The following NUP58 variants were observed in gnomAD, a reference collection of about 807,000 sequenced individuals.
The protein encoded by NUP58 is nucleoporin 58.
NUP58 carries 17 observed loss-of-function variants against 70.1 expected under a neutral mutation model. That is an observed-to-expected ratio of 0.24 (90% CI 0.17 to 0.36). The LOEUF is 0.36. NUP58 is among the 10% of genes least tolerant of loss of function. The pLI is 1.00. For missense variants in NUP58, 644 were observed against 701.5 expected (o/e 0.92, Z 0.93); for synonymous variants, 275 against 257.6 (o/e 1.07, Z -0.65).
intron 13 of NUP58, chr13:25,335,297 C>A (rs2031741723): frequency 2.0e-6 from 2 of 985,174 alleles, no homozygotes; most frequent in Admixed American, 6.2e-5. Flanking sequence ...CAGACCCACA[C>A]ACAACAAAAA....
rs1003190799 is a variant in NUP58, at chr13:25,301,968, C to A, written c.107+88C>A. On this transcript the variant is annotated intron_variant, in intron 1 of 15. Transcript: ENST00000381736. ...CCTTGGTGTCCCCATCCTGTCTCTT[C>A]CCTCTGGCTTCCTTCCCAGTGGGGC... 4.8e-6 allele frequency: 4 copies of A among 838,802 alleles called. No homozygotes were observed. The East Asian group carries it at 8.6e-5, about 18-fold the overall frequency. The allele number at this position is 838,802 out of a possible 1,614,324, so 52.0% of individuals were successfully genotyped here.
At chr13:25,345,891 T>C (rs2032043698), downstream of NUP58, among the ~76,000 whole-genome samples, 1 of 152,216 alleles carries the variant, frequency 6.6e-6, no homozygotes, top group African/African-American at 2.4e-5. Flanking sequence ...CTTTTTCCCA[T>C]TCATTCAGTA....
chr13:25,347,588 T>C (rs529322549), intron 3 of NUP58, among the ~76,000 whole-genome samples: 15 of 152,350 alleles, frequency 9.8e-5, no homozygotes, highest in Admixed American at 9.1e-4. Context: ...TCATTTTTGG[T>C]TTCCAAGGAT....
At chr13:25,333,197 A>G in intron 13 of NUP58, 1 of 985,382 alleles carries the variant, frequency 1.0e-6, no homozygotes, top group Non-Finnish European at 1.2e-6. Flanking sequence ...TTTCACTTAT[A>G]CATTTTGAGC....
intron 10 of NUP58, 78 bp downstream of exon 10, chr13:25,325,146 T>C (rs2031346213): frequency 1.0e-6 from 1 of 980,640 alleles, no homozygotes; most frequent in Non-Finnish European, 1.6e-6. Flanking sequence ...ACAAACTAAA[T>C]ATTTTTAGTA....
At chr13:25,339,929 A>G (rs554899399) in intron 15 of NUP58, 36 bp from the exon 16 acceptor site, 26 of 1,513,900 alleles carry the variant, frequency 1.7e-5, no homozygotes, top group East Asian at 4.9e-5. Context: ...TTGGAATTCA[A>G]CTTCTGATAT....
chr13:25,349,726 A>G (rs1238554433), exon 4 of NUP58: 1 of 152,508 alleles, frequency 6.6e-6, no homozygotes, highest in African/African-American at 2.4e-5. Context: ...AGAAAAGCAC[A>G]TTAAGCTTAG....
At chr13:25,335,304 A>T (rs2031742154) in intron 13 of NUP58, 1 of 985,360 alleles carries the variant, frequency 1.0e-6, no homozygotes, top group East Asian at 1.1e-4. Context: ...ACACACAACA[A>T]AAAGCATGCT....
intron 9 of NUP58, 115 bp downstream of exon 9, chr13:25,321,208 C>G: frequency 1.2e-6 from 1 of 848,058 alleles, no homozygotes; most frequent in Admixed American, 3.1e-5. Context: ...TACATGCATA[C>G]CGGTAGAAAA....
intron 9 of NUP58, among the ~76,000 whole-genome samples, chr13:25,323,513 A>G (rs564670912): frequency 5.9e-4 from 90 of 152,302 alleles, no homozygotes; most frequent in African/African-American, 2.1e-3. Context: ...CTAATACTCT[A>G]CTAAGAGTCT....
At chr13:25,316,082 CT>C (rs1245661772) in intron 6 of NUP58, among the ~76,000 whole-genome samples, 1 of 152,024 alleles carries the variant, frequency 6.6e-6, no homozygotes, top group African/African-American at 2.4e-5. Flanking sequence ...GGGAAAATAC[CT>C]GGAAATTGGA....
In NUP58 at chr13:25,338,565, T is replaced by C. The variant is rs1340522301; in HGVS notation, c.1535-71T>C. The C allele has an allele frequency of 4.5e-6, 5 of 1,114,218 alleles. No homozygotes were observed. The East Asian group carries it at 7.1e-5, about 16-fold the overall frequency. The allele number at this position is 1,114,218 out of a possible 1,614,324, so 69.0% of individuals were successfully genotyped here. A position where few individuals can be genotyped will look rare whatever the true frequency, so the allele number is the denominator to read the frequency against. ...CTGTTAGACCTCTGATGATTTTCGG[T>C]TGTACTTGTCCATATCCTTTAACCT... On this transcript the variant is annotated intron_variant, in intron 14 of 15. Transcript: ENST00000381736.
At chr13:25,320,890 T>G in intron 8 of NUP58, 29 bp from the exon 9 acceptor site, 1 of 1,410,224 alleles carries the variant, frequency 7.1e-7, no homozygotes. Context: ...ATACATTTTT[T>G]AAAACTCAGT....
At chr13:25,320,281 GTTT>G in intron 7 of NUP58, 1 of 335,116 alleles carries the variant, frequency 3.0e-6, no homozygotes, top group Admixed American at 5.0e-5. Context: ...TTTTAAGTAT[GTTT>G]TTAATAGATG....
At chr13:25,335,658 C>T (rs966703454) in intron 13 of NUP58, 10 of 985,024 alleles carry the variant, frequency 1.0e-5, no homozygotes, top group Admixed American at 6.2e-5. Context: ...AGAAGCTATT[C>T]GAAAAGTCCA....
chr13:25,340,603 TAC>T lies in NUP58; in HGVS notation c.*475_*476del, dbSNP rs920114027. On this transcript the variant is annotated 3_prime_UTR_variant, in exon 16 of 16. Transcript: ENST00000381736. ...ATGTATGTAAATATATACAGAATAA[TAC>T]ACACAGTTGTGTGTGCATATAAAAT... is the stretch of plus-strand genomic sequence containing the variant. 1.3e-5 allele frequency: 2 copies of T among 152,394 alleles called. 1 individual carries two copies. 9.4% of individuals were successfully genotyped at this position (152,394 alleles called of 1,614,324 possible).
At chr13:25,349,530 A>T (rs1252431175) in intron 3 of NUP58, 3 of 152,686 alleles carry the variant, frequency 2.0e-5, no homozygotes, top group African/African-American at 4.8e-5. Flanking sequence ...AACTATTGTC[A>T]TAATACAGTC....
At chr13:25,349,635 A>G (rs2032084376) in exon 4 of NUP58, 1 of 152,668 alleles carries the variant, frequency 6.6e-6, no homozygotes. Flanking sequence ...GAAGAAAAAT[A>G]CAGTTCTGAG....
chr13:25,336,562 A>G (rs2031792184), intron 13 of NUP58, among the ~76,000 whole-genome samples: 1 of 152,168 alleles, frequency 6.6e-6, no homozygotes, highest in Non-Finnish European at 1.5e-5. Flanking sequence ...TAGTTTTATC[A>G]GAAAACAAGT....
Sources: gnomAD v4.1 joint callset for allele counts (sites outside exome capture counted in the v4.1 genomes callset) on GRCh38, gnomAD v4.1.1 for gene constraint, MANE v1.5 for transcripts, NCBI Gene and HGNC (gene_info 2026-07-23, HGNC 2026-07-21) for gene names.